Variants in BRSK2 observed in about 807,000 individuals in gnomAD.
BRSK2 encodes BR serine/threonine kinase 2.
A neutral mutation model predicts 83.3 loss-of-function variants in BRSK2; 19 were observed. The observed-to-expected ratio is 0.23, with a 90% CI of 0.16 to 0.33. The LOEUF is 0.33. BRSK2 is among the 10% of genes least tolerant of loss of function. The pLI is 1.00. For missense variants in BRSK2, 798 were observed against 1,042.3 expected (o/e 0.77, Z 3.23); for synonymous variants, 519 against 435.4 (o/e 1.19, Z -2.39).
In BRSK2 at chr11:1,454,248, G is replaced by A. The variant is rs1365181543; in HGVS notation, c.1545-237G>A. ...TATGGGCCAGGGTCAGGGCGTTAGG[G>A]CTTGGAGAAAGGTTAGGGTTGGGGT... On this transcript the variant is annotated intron_variant, in intron 15 of 19. Coordinates refer to ENST00000528841, the MANE Select transcript of BRSK2 (RefSeq NM_001256627.2). This position sits in a 1 kb window ranked among gnomAD's most constrained non-coding sequence, Gnocchi z 5.2. 4.4e-6 allele frequency: 2 copies of A among 454,152 alleles called. No individual in the cohort carries two copies. The highest frequency in any genetic ancestry group is 8.0e-6 in the Non-Finnish European group (2 of 248,984). 28.1% of individuals were successfully genotyped at this position (454,152 alleles called of 1,614,324 possible).
At chr11:1,458,275 A>G (rs1846900036) in intron 18 of BRSK2, among the ~76,000 whole-genome samples, 1 of 152,108 alleles carries the variant, frequency 6.6e-6, no homozygotes, top group Admixed American at 6.5e-5. Flanking sequence ...ACCGCCTGTC[A>G]GCACGCAGCA....
intron 2 of BRSK2, among the ~76,000 whole-genome samples, chr11:1,437,482 GC>G (rs869059521): frequency 6.6e-6 from 1 of 152,190 alleles, no homozygotes; most frequent in Non-Finnish European, 1.5e-5. Context: ...AGGGGGCCCT[GC>G]CCTTACCTCG....
In BRSK2 at chr11:1,454,167, C is replaced by T. The variant is rs112904222; in HGVS notation, c.1545-318C>T. Reference sequence around the variant, plus strand: ...ACAGCGGCCTTGGTGAGGGGGGGCTCACCTGTGGGGGGCTCACCTGTGGAG... The same window carrying T: ...ACAGCGGCCTTGGTGAGGGGGGGCTTACCTGTGGGGGGCTCACCTGTGGAG... On this transcript the variant is annotated intron_variant, in intron 15 of 19. Transcript: ENST00000528841. This position sits in a 1 kb window ranked among gnomAD's most constrained non-coding sequence, Gnocchi z 5.2. 3.2e-5 allele frequency: 7 copies of T among 218,436 alleles called. No homozygotes were observed. Among genetic ancestry groups the T allele is most frequent in the Admixed American group, 5.4e-5 (1 of 18,672 alleles). 13.5% of individuals were successfully genotyped at this position (218,436 alleles called of 1,614,324 possible). A position where few individuals can be genotyped will look rare whatever the true frequency, so the allele number is the denominator to read the frequency against.
chr11:1,443,066 C>A, intron 5 of BRSK2, 40 bp from the exon 6 acceptor site: 1 of 1,522,514 alleles, frequency 6.6e-7, no homozygotes, highest in Non-Finnish European at 8.8e-7. Context: ...GGCCTGGCAG[C>A]GCCCGGAGCC....
intron 1 of BRSK2, among the ~76,000 whole-genome samples, chr11:1,418,227 G>A (rs1304376961): frequency 7.2e-6 from 1 of 138,972 alleles, no homozygotes; most frequent in Non-Finnish European, 1.5e-5. Context: ...TTCTTCTCTT[G>A]AGAGTGGGTC....
chr11:1,445,094 C>A, intron 9 of BRSK2, 92 bp downstream of exon 9: 1 of 1,544,682 alleles, frequency 6.5e-7, no homozygotes, highest in Non-Finnish European at 8.9e-7. Context: ...GGCGCCGGCC[C>A]AGCGCAGGTC....
chr11:1,395,157 A>G (rs974638738), intron 1 of BRSK2, among the ~76,000 whole-genome samples: 16 of 152,176 alleles, frequency 1.1e-4, no homozygotes, highest in Non-Finnish European at 1.5e-5. Context: ...GGCCCTGGCC[A>G]TCTGACCCCA....
At chr11:1,414,996 A>G (rs1038907521) in intron 1 of BRSK2, among the ~76,000 whole-genome samples, 4 of 151,778 alleles carry the variant, frequency 2.6e-5, no homozygotes, top group African/African-American at 4.8e-5. Flanking sequence ...TGTGGCTCTC[A>G]GGAGTGGCGC....
intron 12 of BRSK2, chr11:1,447,806 T>C: frequency 6.3e-7 from 1 of 1,597,278 alleles, no homozygotes; most frequent in Non-Finnish European, 8.5e-7. Flanking sequence ...AGTAAAGCAA[T>C]GTTCAGTAAA....
At chr11:1,403,307 C>T in intron 1 of BRSK2, among the ~76,000 whole-genome samples, 1 of 152,188 alleles carries the variant, frequency 6.6e-6, no homozygotes, top group Non-Finnish European at 1.5e-5. Context: ...CGTGGCAGAG[C>T]ACGTGAGGCA....
chr11:1,458,765 G>A (rs1846992402), intron 18 of BRSK2, among the ~76,000 whole-genome samples: 7 of 152,186 alleles, frequency 4.6e-5, no homozygotes, highest in Admixed American at 4.6e-4. Context: ...CGAGGAAGAG[G>A]GTGCCTGCCT....
chr11:1,448,011 G>GC, intron 12 of BRSK2: 1 of 821,874 alleles, frequency 1.2e-6, no homozygotes, highest in Non-Finnish European at 1.9e-6. Context: ...CCAGGCAAGG[G>GC]CCCGCGGGCC....
At chr11:1,405,715 G>T (rs1846823265) in intron 1 of BRSK2, among the ~76,000 whole-genome samples, 1 of 152,104 alleles carries the variant, frequency 6.6e-6, no homozygotes, top group South Asian at 2.1e-4. Context: ...TGGGCTCAGG[G>T]CAGCCTAAAG....
rs576287328 is a variant in BRSK2, at chr11:1,462,305, C to G, written c.*1582C>G. 3 of 152,260 alleles carry G rather than the reference C, an allele frequency of 2.0e-5. No individual in the cohort carries two copies. The highest frequency in any genetic ancestry group is 2.0e-4 in the Admixed American group (3 of 15,310). The allele number at this position is 152,260 out of a possible 1,614,324, so 9.4% of individuals were successfully genotyped here. A position where few individuals can be genotyped will look rare whatever the true frequency, so the allele number is the denominator to read the frequency against. On this transcript the variant is annotated 3_prime_UTR_variant, in exon 20 of 20. Transcript: ENST00000528841. Reference sequence around the variant, plus strand: ...GCGGGCACAGCCCGGGTGCGGCGGCCGTGGGGGACGGCGGGTCTGATGCAT... The same window carrying G: ...GCGGGCACAGCCCGGGTGCGGCGGCGGTGGGGGACGGCGGGTCTGATGCAT...
At chr11:1,399,883 C>G (rs1045249655) in intron 1 of BRSK2, among the ~76,000 whole-genome samples, 4 of 129,422 alleles carry the variant, frequency 3.1e-5, no homozygotes, top group Non-Finnish European at 6.5e-5. Flanking sequence ...ATGGAGGCCT[C>G]GCTCCGGGTC....
intron 1 of BRSK2, chr11:1,410,975 C>T (rs1235732570): frequency 1.2e-4 from 116 of 985,018 alleles, no homozygotes; most frequent in South Asian, 4.3e-4. Context: ...CCCAGGGCCC[C>T]GCTGAGGGGG....
chr11:1,434,851 A>G lies in BRSK2; in HGVS notation c.92-1189A>G, dbSNP rs182218603. ...CGCCTGAGGACCTTTGATGGTAGGA[A>G]AGGGCCTGGGTTGTGGGCTCCTGGG... On this transcript the variant is annotated intron_variant, in intron 1 of 19. Transcript: ENST00000528841. Among the ~76,000 whole-genome samples the G allele has an allele frequency of 2.9e-3, 435 of 152,190 alleles. 4 individuals carry two copies. The highest frequency in any genetic ancestry group is 0.01 in the African/African-American group (421 of 41,510).
chr11:1,404,793 C>A (rs183760942), intron 1 of BRSK2, among the ~76,000 whole-genome samples: 2 of 152,218 alleles, frequency 1.3e-5, no homozygotes, highest in South Asian at 4.1e-4. Context: ...CTATTCTTAC[C>A]GCGCCCTGGA....
At chr11:1,393,866 C>T (rs9737139) in intron 1 of BRSK2, among the ~76,000 whole-genome samples, 9 of 151,746 alleles carry the variant, frequency 5.9e-5, no homozygotes, top group Non-Finnish European at 1.2e-4. Context: ...TGGAGATGGG[C>T]CATGGAGATG....
Sources: allele counts gnomAD v4.1 joint callset (sites outside exome capture counted in the v4.1 genomes callset), GRCh38; gene constraint gnomAD v4.1.1; non-coding constraint Gnocchi (gnomAD v3.1); transcripts MANE v1.5; gene names NCBI Gene and HGNC (gene_info 2026-07-23, HGNC 2026-07-21).